Variants in TTC39B observed in about 807,000 individuals in gnomAD.
The protein encoded by TTC39B is tetratricopeptide repeat domain 39B.
Under a neutral mutation model 96.6 loss-of-function variants are expected in TTC39B, and 92 were observed. That is an observed-to-expected ratio of 0.95 (90% CI 0.80 to 1.13). The LOEUF is 1.13. TTC39B is among the 50% of genes most tolerant of loss of function. The pLI, the probability that TTC39B is intolerant of heterozygous loss-of-function variation, is 0.00. For missense variants in TTC39B, 955 were observed against 809.3 expected, an observed-to-expected ratio of 1.18 and a Z score of -2.18; for synonymous variants, 367 against 299.4, an observed-to-expected ratio of 1.23 and a Z score of -2.33.
At chr9:15,288,909 C>T (rs1171579241) in intron 1 of TTC39B, among the ~76,000 whole-genome samples, 1 of 152,230 alleles carries the variant, frequency 6.6e-6, no homozygotes, top group African/African-American at 2.4e-5. Flanking sequence ...CACCCAGTCA[C>T]ACATCCCATG....
chr9:15,240,648 T>C (rs1019362901), intron 2 of TTC39B, among the ~76,000 whole-genome samples: 7 of 152,194 alleles, frequency 4.6e-5, no homozygotes, highest in African/African-American at 1.7e-4. Context: ...TCATCCCTTT[T>C]TATCACACAT....
At position 15,306,402 on chromosome 9, in the gene TTC39B, C is replaced by A. The variant is rs1190378925; in HGVS notation, c.240+682G>T. Among the ~76,000 whole-genome samples, 1 of 152,178 alleles carries A rather than the reference C, an allele frequency of 6.6e-6. No individual in the cohort carries two copies. The highest frequency in any genetic ancestry group is 1.5e-5 in the Non-Finnish European group (1 of 68,028). On this transcript the variant is annotated intron_variant, in intron 1 of 19. Transcript: ENST00000512701. This position sits in a 1 kb window ranked among gnomAD's most constrained non-coding sequence, Gnocchi z 5.1. ...AGTTGAAACCAAAGGAGGCCGGAGT[C>A]GGTTCTCAAAGTGGTTTCCCTCCGG...
intron 3 of TTC39B, among the ~76,000 whole-genome samples, chr9:15,225,293 A>T (rs1821061998): frequency 6.6e-6 from 1 of 152,156 alleles, no homozygotes; most frequent in Non-Finnish European, 1.5e-5. Context: ...ATTTGAGGAG[A>T]AAAAGAATAC....
At chr9:15,280,309 G>T (rs1293021595) in intron 1 of TTC39B, among the ~76,000 whole-genome samples, 2 of 152,222 alleles carry the variant, frequency 1.3e-5, no homozygotes, top group Non-Finnish European at 2.9e-5. Context: ...AGATCACAGA[G>T]TCCTCAAAGC....
chr9:15,280,075 T>C (rs1444408235), intron 1 of TTC39B, among the ~76,000 whole-genome samples: 1 of 152,044 alleles, frequency 6.6e-6, no homozygotes, highest in Non-Finnish European at 1.5e-5. Context: ...TTTTTGTATT[T>C]TTAGTAGAGA....
chr9:15,177,209 T>C (rs1817988475), intron 18 of TTC39B, among the ~76,000 whole-genome samples: 1 of 152,128 alleles, frequency 6.6e-6, no homozygotes, highest in Non-Finnish European at 1.5e-5. Flanking sequence ...AGTGCACACT[T>C]GTAGTCCCAG....
At chr9:15,258,100 G>A (rs917625182) in intron 2 of TTC39B, among the ~76,000 whole-genome samples, 1 of 152,116 alleles carries the variant, frequency 6.6e-6, no homozygotes, top group Non-Finnish European at 1.5e-5. Context: ...GCTGTATGGA[G>A]AGTAAGTGGG....
At chr9:15,214,035 C>T (rs1564353456) in intron 4 of TTC39B, 104 bp downstream of exon 4, 1 of 807,210 alleles carries the variant, frequency 1.2e-6, no homozygotes, top group Admixed American at 2.6e-5. Context: ...ATTAGCTTAT[C>T]AATATTCAGA....
intron 1 of TTC39B, among the ~76,000 whole-genome samples, chr9:15,286,010 T>G (rs187891697): frequency 7.0e-4 from 106 of 152,360 alleles, no homozygotes; most frequent in African/African-American, 2.3e-3. Flanking sequence ...CAGTATTTTT[T>G]TCCTGAACCA....
chr9:15,181,414 C>T (rs998099172), intron 17 of TTC39B, among the ~76,000 whole-genome samples: 3 of 152,082 alleles, frequency 2.0e-5, no homozygotes, highest in Non-Finnish European at 4.4e-5. Flanking sequence ...CTTAAAAATA[C>T]AGAATCAAAA....
chr9:15,213,876 C>G (rs1031222370), intron 4 of TTC39B, among the ~76,000 whole-genome samples: 1 of 151,954 alleles, frequency 6.6e-6, no homozygotes, highest in African/African-American at 2.4e-5. Context: ...AAAATTGAAG[C>G]CTTATAAAAC....
chr9:15,242,157 A>G (rs1822071974), intron 2 of TTC39B, among the ~76,000 whole-genome samples: 1 of 152,208 alleles, frequency 6.6e-6, no homozygotes, highest in Non-Finnish European at 1.5e-5. Flanking sequence ...ATGATCTTCA[A>G]TACCACTGTG....
At chr9:15,258,931 T>A (rs7846987) in intron 2 of TTC39B, among the ~76,000 whole-genome samples, 47,358 of 151,976 alleles carry the variant, frequency 0.31, 10,794 homozygotes, top group African/African-American at 0.65. Context: ...AAACGTGTAC[T>A]ACACACATTC....
chr9:15,251,668 TACAC>T (rs397839174), intron 2 of TTC39B, among the ~76,000 whole-genome samples: 76 of 116,564 alleles, frequency 6.5e-4, no homozygotes, highest in African/African-American at 1.1e-3. Context: ...TATACGCGCA[TACAC>T]ACACACACAC....
At chr9:15,214,548 T>C (rs988811039) in intron 3 of TTC39B, among the ~76,000 whole-genome samples, 5 of 152,176 alleles carry the variant, frequency 3.3e-5, no homozygotes, top group Admixed American at 3.3e-4. Flanking sequence ...CAGTGCAAAA[T>C]AACTGTTGTC....
At chr9:15,202,786 A>G (rs1048408802) in intron 7 of TTC39B, among the ~76,000 whole-genome samples, 1 of 151,884 alleles carries the variant, frequency 6.6e-6, no homozygotes, top group Non-Finnish European at 1.5e-5. Flanking sequence ...TCACAGCTGA[A>G]TTTCTTTCTG....
chr9:15,279,271 G>T (rs565445292), intron 1 of TTC39B, among the ~76,000 whole-genome samples: 1 of 152,320 alleles, frequency 6.6e-6, no homozygotes, highest in Admixed American at 6.5e-5. Flanking sequence ...AATTGGCAGA[G>T]TTAGCAGTCC....
intron 1 of TTC39B, among the ~76,000 whole-genome samples, chr9:15,278,299 G>C (rs557862404): frequency 6.6e-6 from 1 of 152,104 alleles, no homozygotes; most frequent in South Asian, 2.1e-4. Context: ...ACCCCACAGA[G>C]AAATAAGTAT....
chr9:15,299,811 G>C (rs919993228), intron 1 of TTC39B, among the ~76,000 whole-genome samples: 16 of 152,088 alleles, frequency 1.1e-4, no homozygotes, highest in Non-Finnish European at 2.9e-5. Flanking sequence ...AGCACCCATG[G>C]GCAGGAAACT....
Sources: allele counts gnomAD v4.1 joint callset (sites outside exome capture counted in the v4.1 genomes callset), GRCh38; gene constraint gnomAD v4.1.1; non-coding constraint Gnocchi (gnomAD v3.1); transcripts MANE v1.5; gene names NCBI Gene and HGNC (gene_info 2026-07-23, HGNC 2026-07-21).